ANKFY1: variants seen among roughly 807,000 people sequenced by gnomAD.
ANKFY1 encodes the protein ankyrin repeat and FYVE domain containing 1.
ANKFY1 carries 47 observed loss-of-function variants against 128.3 expected under a neutral mutation model. That is an observed-to-expected ratio of 0.37 (90% CI 0.29 to 0.47). The LOEUF (loss-of-function observed/expected upper bound fraction) is 0.47. ANKFY1 is among the 20% of genes least tolerant of loss of function. The pLI, the probability that ANKFY1 is intolerant of heterozygous loss-of-function variation, is 1.00. For synonymous variants in ANKFY1, 553 were observed against 601.6 expected (o/e 0.92, Z 1.18); for missense variants, 1,222 against 1,510.6 (o/e 0.81, Z 3.17).
intron 3 of ANKFY1, among the ~76,000 whole-genome samples, chr17:4,229,016 T>A (rs1313576110): frequency 6.6e-6 from 1 of 152,144 alleles, no homozygotes; most frequent in Non-Finnish European, 1.5e-5. Context: ...TGTAAAAACT[T>A]GCTATTATTA....
intron 7 of ANKFY1, among the ~76,000 whole-genome samples, chr17:4,202,094 T>C (rs2059937610): frequency 6.6e-6 from 1 of 152,106 alleles, no homozygotes; most frequent in Non-Finnish European, 1.5e-5. Context: ...TTAAAATATA[T>C]TCCAAACTAA....
intron 14 of ANKFY1, 99 bp downstream of exon 14, chr17:4,183,299 A>T (rs1038406154): frequency 1.2e-4 from 171 of 1,421,936 alleles, no homozygotes; most frequent in Middle Eastern, 1.0e-3. Flanking sequence ...TCCTCTAACT[A>T]ATATGAAACA....
chr17:4,231,951 A>G (rs1260299402), intron 3 of ANKFY1, among the ~76,000 whole-genome samples: 2 of 151,750 alleles, frequency 1.3e-5, no homozygotes, highest in Non-Finnish European at 2.9e-5. Context: ...AAAAAAAAAA[A>G]GAAAGAAAGA....
chr17:4,241,256 GCTTCTTCTTCTT>G (rs201548162), intron 2 of ANKFY1, among the ~76,000 whole-genome samples: 3 of 93,060 alleles, frequency 3.2e-5, no homozygotes, highest in South Asian at 3.9e-4. Flanking sequence ...CGCCAGCTGA[GCTTCTTCTTCTT>G]CTTCTTCTTT....
chr17:4,223,944 T>G, intron 3 of ANKFY1: 1 of 566,502 alleles, frequency 1.8e-6, no homozygotes, highest in Admixed American at 3.1e-5. Context: ...GCCTCAGCAA[T>G]GCTTTAGAAT....
intron 7 of ANKFY1, among the ~76,000 whole-genome samples, chr17:4,198,782 C>G (rs1178994889): frequency 1.3e-5 from 2 of 152,212 alleles, no homozygotes; most frequent in Admixed American, 1.3e-4. Context: ...AAAAATTTCA[C>G]ATGGTAAATA....
At chr17:4,197,156 G>A (rs1429036753) in intron 8 of ANKFY1, among the ~76,000 whole-genome samples, 2 of 151,986 alleles carry the variant, frequency 1.3e-5, no homozygotes, top group African/African-American at 2.4e-5. Flanking sequence ...AAAAAACCTC[G>A]AAGACTTCAG....
chr17:4,189,323 C>A, intron 11 of ANKFY1, 59 bp downstream of exon 11: 2 of 1,423,716 alleles, frequency 1.4e-6, no homozygotes, highest in South Asian at 1.2e-5. Context: ...TACATATCCA[C>A]CACTGCCATT....
intron 11 of ANKFY1, 59 bp from the exon 12 acceptor site, chr17:4,185,105 C>A (rs370089583): frequency 4.0e-6 from 6 of 1,503,098 alleles, no homozygotes; most frequent in African/African-American, 1.4e-5. Context: ...TCACAAAGAG[C>A]GTGGCAGCCT....
intron 4 of ANKFY1, among the ~76,000 whole-genome samples, chr17:4,214,184 C>T (rs961808779): frequency 2.0e-5 from 3 of 152,180 alleles, no homozygotes; most frequent in African/African-American, 4.8e-5. Context: ...CTGAAAATTC[C>T]ACTCTCCTCC....
intron 3 of ANKFY1, among the ~76,000 whole-genome samples, chr17:4,226,544 G>A (rs1325308033): frequency 6.6e-6 from 1 of 151,664 alleles, no homozygotes; most frequent in Admixed American, 6.6e-5. Flanking sequence ...AGGAGAACGG[G>A]AGAGCAAAGT....
rs932654809 is a variant in ANKFY1 at position 4,183,542 on chromosome 17, G to A, written c.1808C>T (p.Thr603Met). 11 of 1,612,034 alleles carry A rather than the reference G, an allele frequency of 6.8e-6. No homozygotes were observed. The highest frequency in any genetic ancestry group is 5.3e-5 in the African/African-American group (4 of 74,848). ...AGAGCCCAGCAGCTGGGCTGCGATC[G>A]TGTGCATGCCTGGGAAACAAGCCCC... ...LGLALWTGMH[T>M]IAAQLLGSGA... Residue 603 changes from threonine to methionine, a missense_variant, in exon 14 of 25, where the codon ACG becomes ATG. Thr to Met is a moderately conservative substitution (Grantham distance 81). Coordinates refer to ENST00000341657, the MANE Select transcript of ANKFY1 (RefSeq NM_001330063.2).
chr17:4,219,605 G>T (rs1382277792), intron 3 of ANKFY1, among the ~76,000 whole-genome samples: 1 of 152,062 alleles, frequency 6.6e-6, no homozygotes, highest in African/African-American at 2.4e-5. Context: ...ACTAGAGTGG[G>T]AAGGAGCAGC....
chr17:4,183,304 G>T, intron 14 of ANKFY1, 94 bp downstream of exon 14: 1 of 1,482,264 alleles, frequency 6.7e-7, no homozygotes, highest in Non-Finnish European at 9.2e-7. Context: ...TAACTAATAT[G>T]AAACAAAAAC....
intron 3 of ANKFY1, chr17:4,222,897 A>G: frequency 9.6e-7 from 1 of 1,046,948 alleles, no homozygotes; most frequent in East Asian, 2.4e-5. Flanking sequence ...CAACAATCCA[A>G]CTCCTATCAC....
chr17:4,213,379 G>A (rs1456904345), intron 4 of ANKFY1, among the ~76,000 whole-genome samples: 3 of 151,688 alleles, frequency 2.0e-5, no homozygotes, highest in Admixed American at 6.6e-5. Flanking sequence ...TAGTAGGGAC[G>A]GGGTTTCACC....
At chr17:4,250,384 C>T (rs748618020) in intron 1 of ANKFY1, among the ~76,000 whole-genome samples, 12 of 152,106 alleles carry the variant, frequency 7.9e-5, no homozygotes, top group South Asian at 2.1e-4. Context: ...TACCAATGTA[C>T]GGGCTATGAT....
rs377274272 is a variant in ANKFY1 at position 4,178,815 on chromosome 17, C to T, written c.2598+42G>A. ...TCTGTCTAGTCTCCAGGTTCCGCGA[C>T]GCCCAGGACCATGTGGAGAAGGTCA... On this transcript the variant is annotated intron_variant, in intron 18 of 24. Coordinates refer to ENST00000341657, the MANE Select transcript of ANKFY1 (RefSeq NM_001330063.2). This position sits in a 1 kb window ranked among gnomAD's most constrained non-coding sequence, Gnocchi z 4.1. 3.6e-5 allele frequency: 58 copies of T among 1,589,470 alleles called. No homozygotes were observed. The highest frequency in any genetic ancestry group is 6.6e-5 in the South Asian group (6 of 90,296).
intron 5 of ANKFY1, 150 bp downstream of exon 5, chr17:4,209,672 CAT>C: frequency 1.1e-6 from 1 of 892,110 alleles, no homozygotes; most frequent in Non-Finnish European, 1.7e-6. Flanking sequence ...AAAAGAGTCT[CAT>C]AGATCATCTA....
Sources: gnomAD v4.1 joint callset for allele counts (sites outside exome capture counted in the v4.1 genomes callset) on GRCh38, gnomAD v4.1.1 for gene constraint, Gnocchi (gnomAD v3.1) non-coding constraint, MANE v1.5 for transcripts, NCBI Gene and HGNC (gene_info 2026-07-23, HGNC 2026-07-21) for gene names.